CNTNAP5: variants seen among roughly 807,000 people sequenced by gnomAD.
CNTNAP5 encodes contactin-associated protein-like 5.
CNTNAP5 carries 72 observed loss-of-function variants against 150.2 expected under a neutral mutation model. The observed-to-expected ratio is 0.48, with a 90% CI of 0.40 to 0.58. The LOEUF (loss-of-function observed/expected upper bound fraction) is 0.58, where lower values mean the gene tolerates loss of function less well. CNTNAP5 is among the 20% of genes least tolerant of loss of function. The pLI, the probability that CNTNAP5 is intolerant of heterozygous loss-of-function variation, is 0.00. For synonymous variants in CNTNAP5, 672 were observed against 619.8 expected (o/e 1.08, Z -1.25); for missense variants, 1,636 against 1,626.2 (o/e 1.01, Z -0.10).
chr2:124,705,155 T>C (rs1038049925), intron 13 of CNTNAP5, among the ~76,000 whole-genome samples: 4 of 152,210 alleles, frequency 2.6e-5, no homozygotes, highest in Non-Finnish European at 5.9e-5. Flanking sequence ...GTGTAGCGTA[T>C]GTACAAGCAC....
chr2:124,713,289 C>CTT lies in CNTNAP5; in HGVS notation c.2078-33938_2078-33937dup, dbSNP rs1218386902. Among the ~76,000 whole-genome samples the CTT allele has an allele frequency of 1.9e-5, 2 of 102,846 alleles. 1 individual carries two copies. Among genetic ancestry groups the CTT allele is most frequent in the Non-Finnish European group, 4.2e-5 (2 of 47,562 alleles). The allele number at this position is 102,846 out of a possible 152,430, so 67.5% of individuals were successfully genotyped here. A position where few individuals can be genotyped will look rare whatever the true frequency, so the allele number is the denominator to read the frequency against. The stretch of plus-strand genomic sequence containing the variant: ...TCTTTCTTTCTTTCTTTCTTTCTTT[C>CTT]TTTCTTTCTTTCTTCTTTCTCTTTC... On this transcript the variant is annotated intron_variant, in intron 13 of 23. Coordinates refer to ENST00000682447, the MANE Select transcript of CNTNAP5 (RefSeq NM_001367498.1).
At chr2:124,562,701 C>T (rs2047879) in intron 10 of CNTNAP5, among the ~76,000 whole-genome samples, 149,279 of 152,304 alleles carry the variant, frequency 0.98, 73,241 homozygotes, top group East Asian at 1. Flanking sequence ...TGATAAAATA[C>T]CCTTGCATTT....
intron 1 of CNTNAP5, among the ~76,000 whole-genome samples, chr2:124,146,621 C>T (rs987575856): frequency 2.0e-5 from 3 of 151,862 alleles, no homozygotes; most frequent in African/African-American, 7.3e-5. Context: ...ATTTCTACTT[C>T]CAAAGAATAT....
In CNTNAP5 at chr2:124,410,285, C is replaced by A. The variant is rs1311642901; in HGVS notation, c.382-7158C>A. Among the ~76,000 whole-genome samples the A allele has an allele frequency of 2.7e-5, 4 of 149,106 alleles. No homozygotes were observed. The East Asian group carries it at 6.0e-4, about 23-fold the overall frequency. On this transcript the variant is annotated intron_variant, in intron 3 of 23. Coordinates refer to ENST00000682447, the MANE Select transcript of CNTNAP5 (RefSeq NM_001367498.1). Reference sequence around the variant, plus strand: ...ACTCCCACACATTAATAATGGGAGACTTTAACACCCCACTGTCAACATTAG... The same window carrying A: ...ACTCCCACACATTAATAATGGGAGAATTTAACACCCCACTGTCAACATTAG...
chr2:124,359,469 G>A (rs1573940140), intron 3 of CNTNAP5, among the ~76,000 whole-genome samples: 2 of 151,818 alleles, frequency 1.3e-5, no homozygotes, highest in East Asian at 1.9e-4. Context: ...TCTACACACG[G>A]CTTTGAATGC....
chr2:124,165,401 C>T (rs896817370), intron 1 of CNTNAP5, among the ~76,000 whole-genome samples: 3 of 152,130 alleles, frequency 2.0e-5, no homozygotes, highest in East Asian at 3.9e-4. Flanking sequence ...TAGTAGCTGC[C>T]GCAAGGTTTT....
At chr2:124,756,672 C>T (rs558254088) in intron 14 of CNTNAP5, among the ~76,000 whole-genome samples, 1 of 152,148 alleles carries the variant, frequency 6.6e-6, no homozygotes, top group Non-Finnish European at 1.5e-5. Flanking sequence ...AGGAGGAAAC[C>T]AAATACTGCA....
chr2:124,601,597 G>T (rs1460824320), intron 11 of CNTNAP5, among the ~76,000 whole-genome samples: 2 of 152,116 alleles, frequency 1.3e-5, no homozygotes, highest in Non-Finnish European at 2.9e-5. Flanking sequence ...AGGATCAAAG[G>T]TACTGTAATA....
intron 3 of CNTNAP5, among the ~76,000 whole-genome samples, chr2:124,367,387 A>T (rs1475164993): frequency 6.6e-6 from 1 of 152,214 alleles, no homozygotes; most frequent in Non-Finnish European, 1.5e-5. Flanking sequence ...CCTTCTTCAC[A>T]TGGAAGCAGT....
At chr2:124,685,763 C>CGT (rs375736227) in intron 13 of CNTNAP5, among the ~76,000 whole-genome samples, 26,564 of 143,650 alleles carry the variant, frequency 0.18, 2,681 homozygotes, top group Non-Finnish European at 0.2. Flanking sequence ...TGTGTGTGTG[C>CGT]GCGCGCGTGT....
Position 124,507,668 on chromosome 2 carries a change from G to A in CNTNAP5, c.1327+3112G>A, listed in dbSNP as rs544675788. Among the ~76,000 whole-genome samples the A allele has an allele frequency of 2.6e-5, 4 of 152,198 alleles. No homozygotes were observed. In the East Asian group the frequency reaches 5.8e-4, roughly 22 times the overall value. Reference sequence around the variant, plus strand: ...TTAAATGTTTGGACTCTCAGTCCTCGATCCATACAAGGGAGAGCCTTACAG... The same window carrying A: ...TTAAATGTTTGGACTCTCAGTCCTCAATCCATACAAGGGAGAGCCTTACAG... On this transcript the variant is annotated intron_variant, in intron 8 of 23. Transcript: ENST00000682447.
In CNTNAP5 at chr2:124,713,310, CTTTCTTTCCTT is replaced by C. The variant is rs1558746897; in HGVS notation, c.2078-33917_2078-33907del. ...CTTTCTTTCTTTCTTTCTTCTTTCTCTTTCTTTCCTTTCTTTCTTTCTTTCTTTCTTTCTTT... is the reference window on the plus strand; with the variant it reads ...CTTTCTTTCTTTCTTTCTTCTTTCTCTCTTTCTTTCTTTCTTTCTTTCTTT... On this transcript the variant is annotated intron_variant, in intron 13 of 23. Transcript: ENST00000682447. Among the ~76,000 whole-genome samples the C allele has an allele frequency of 7.4e-4, 54 of 72,838 alleles. 1 individual carries two copies. The highest frequency in any genetic ancestry group is 3.0e-3 in the South Asian group (5 of 1,642). The allele number at this position is 72,838 out of a possible 152,430, so 47.8% of individuals were successfully genotyped here. A position where few individuals can be genotyped will look rare whatever the true frequency, so the allele number is the denominator to read the frequency against.
At chr2:124,122,788 A>ACACC (rs1023610192) in intron 1 of CNTNAP5, among the ~76,000 whole-genome samples, 1 of 149,864 alleles carries the variant, frequency 6.7e-6, no homozygotes, top group Non-Finnish European at 1.5e-5. Flanking sequence ...ACACACACAC[A>ACACC]CACACCCACA....
At chr2:124,097,252 A>G (rs1682958310) in intron 1 of CNTNAP5, among the ~76,000 whole-genome samples, 1 of 152,166 alleles carries the variant, frequency 6.6e-6, no homozygotes, top group Non-Finnish European at 1.5e-5. Flanking sequence ...AAACTAATGA[A>G]GGCTTTGGAT....
chr2:124,598,900 C>T (rs905222227), intron 11 of CNTNAP5, among the ~76,000 whole-genome samples: 8 of 152,000 alleles, frequency 5.3e-5, no homozygotes, highest in East Asian at 3.9e-4. Flanking sequence ...GGGAGTGACC[C>T]GATTTTCCAG....
intron 10 of CNTNAP5, among the ~76,000 whole-genome samples, chr2:124,539,354 G>A (rs946696249): frequency 6.6e-6 from 1 of 152,160 alleles, no homozygotes; most frequent in Non-Finnish European, 1.5e-5. Flanking sequence ...CATGGGCAGC[G>A]TCATAGATGC....
At position 124,851,547 on chromosome 2, in the gene CNTNAP5, CATCTAAATTAAT is replaced by C. The variant is rs1482426674; in HGVS notation, c.3218-13758_3218-13747del. On this transcript the variant is annotated intron_variant, in intron 19 of 23. Transcript: ENST00000682447. ...CATCAGATAAAAAATGAGGATAATT[CATCTAAATTAAT>C]GAAAGGAAAGTCAGCACATAGGGGT... 8.5e-5 allele frequency among the ~76,000 whole-genome samples: 13 copies of C among 152,196 alleles called. No individual in the cohort carries two copies. In the East Asian group the frequency reaches 2.5e-3, roughly 29 times the overall value.
intron 3 of CNTNAP5, among the ~76,000 whole-genome samples, chr2:124,261,245 A>T (rs1225297229): frequency 6.6e-6 from 1 of 152,166 alleles, no homozygotes; most frequent in Non-Finnish European, 1.5e-5. Flanking sequence ...TTAAATATAG[A>T]GATATCTAAA....
chr2:124,133,052 C>T (rs1037411051), intron 1 of CNTNAP5, among the ~76,000 whole-genome samples: 1 of 152,026 alleles, frequency 6.6e-6, no homozygotes, highest in Non-Finnish European at 1.5e-5. Context: ...TAGAAGCCTG[C>T]CTGGTTTACA....
Sources: gnomAD v4.1 joint callset for allele counts (sites outside exome capture counted in the v4.1 genomes callset) on GRCh38, gnomAD v4.1.1 for gene constraint, MANE v1.5 for transcripts, NCBI Gene and HGNC (gene_info 2026-07-23, HGNC 2026-07-21) for gene names.